Variants in NHSL2 observed in about 807,000 individuals in gnomAD.
NHSL2 encodes the protein NHS-like protein 2.
A neutral mutation model predicts 53.4 loss-of-function variants in NHSL2; 27 were observed. The ratio of observed to expected loss-of-function variants is 0.51; its 90% CI spans 0.37 to 0.70. The LOEUF is 0.70. Ranked by LOEUF, NHSL2 falls within the 30% of genes least tolerant of loss-of-function variation. The probability of loss-of-function intolerance (pLI) is 0.00; values close to 1 mark genes in which losing one functional copy is unlikely to be tolerated. For missense variants in NHSL2, 892 were observed against 980.1 expected (o/e 0.91, Z 1.20); for synonymous variants, 408 against 404.1 (o/e 1.01, Z -0.12).
intron 1 of NHSL2, among the ~76,000 whole-genome samples, chrX:72,063,047 G>T (rs1162686641): frequency 1.1e-4 from 12 of 112,137 alleles, no homozygotes; most frequent in Non-Finnish European, 1.9e-4. Context: ...TTTCCCTTGT[G>T]TCTGCGTCTC....
At position 72,147,713 on chromosome X, in the gene NHSL2, C is replaced by G. The variant is rs1820489004; in HGVS notation, c.*4139C>G. On this transcript the variant is annotated 3_prime_UTR_variant, in exon 8 of 8. Transcript: ENST00000633930. ...CTCCCTCTCCTCTTTCTGCTCCATT[C>G]TCCTAAACCTTGCTTCCCAGCACCA... The G allele has an allele frequency of 1.8e-5, 2 of 111,892 alleles. No individual in the cohort carries two copies. The highest frequency in any genetic ancestry group is 7.4e-4 in the South Asian group (2 of 2,703). 9.2% of individuals were successfully genotyped at this position (111,892 alleles called of 1,213,427 possible).
chrX:71,917,503 C>G (rs1333892058), intron 1 of NHSL2, among the ~76,000 whole-genome samples: 2 of 109,777 alleles, frequency 1.8e-5, no homozygotes, highest in African/African-American at 6.6e-5. Flanking sequence ...TCTTTGAGTA[C>G]TTGACTCTGG....
chrX:72,026,735 A>G (rs1202700876), intron 1 of NHSL2, among the ~76,000 whole-genome samples: 1 of 112,548 alleles, frequency 8.9e-6, no homozygotes, highest in Admixed American at 9.3e-5. Context: ...TGTAAGAAAC[A>G]CGAGAGACAG....
At chrX:71,963,958 T>TATATATATATAC (rs1569466982) in intron 1 of NHSL2, among the ~76,000 whole-genome samples, 1 of 6,434 alleles carries the variant, frequency 1.6e-4, no homozygotes, top group African/African-American at 4.8e-4. Flanking sequence ...GCTATATATA[T>TATATATATATAC]ACACATATAT....
At chrX:72,071,754 C>A (rs1348087264) in intron 1 of NHSL2, among the ~76,000 whole-genome samples, 1 of 112,227 alleles carries the variant, frequency 8.9e-6, no homozygotes, top group Non-Finnish European at 1.9e-5. Flanking sequence ...ACCCCACTGT[C>A]TTTCCAGTAA....
intron 1 of NHSL2, among the ~76,000 whole-genome samples, chrX:72,060,205 G>A (rs928373774): frequency 8.9e-6 from 1 of 112,147 alleles, no homozygotes. Context: ...TGCGAATTGA[G>A]GATAGTAATA....
intron 1 of NHSL2, among the ~76,000 whole-genome samples, chrX:71,924,484 T>G (rs1228352252): frequency 9.0e-6 from 1 of 111,649 alleles, no homozygotes. Flanking sequence ...TACCACCTCT[T>G]GAAAAGTAAT....
intron 1 of NHSL2, among the ~76,000 whole-genome samples, chrX:72,096,241 G>C (rs1267446926): frequency 9.0e-6 from 1 of 111,616 alleles, no homozygotes; most frequent in Non-Finnish European, 1.9e-5. Context: ...GTAAGAAATG[G>C]CCAGATTCTG....
At chrX:71,982,223 C>T (rs1464792302) in intron 1 of NHSL2, among the ~76,000 whole-genome samples, 1 of 112,124 alleles carries the variant, frequency 8.9e-6, no homozygotes, top group African/African-American at 3.2e-5. Context: ...AAGCCAGACA[C>T]AAAGCCCATA....
At position 72,049,009 on chromosome X, in the gene NHSL2, A is replaced by AGAAGAGGAAGAGGAAGAGGAAGAG. The variant is rs879168606; in HGVS notation, c.281-83058_281-83035dup. ...GAGGAGAAGAAGAAGAAGAAGAAGA[A>AGAAGAGGAAGAGGAAGAGGAAGAG]GAAGAGGAAGAGGAAGAGGAAGAGG... On this transcript the variant is annotated intron_variant, in intron 1 of 7. Transcript: ENST00000633930. Among the ~76,000 whole-genome samples the AGAAGAGGAAGAGGAAGAGGAAGAG allele has an allele frequency of 1.1e-3, 93 of 86,162 alleles. 1 individual carries two copies. Among genetic ancestry groups the AGAAGAGGAAGAGGAAGAGGAAGAG allele is most frequent in the Non-Finnish European group, 1.7e-3 (78 of 45,912 alleles). 74.8% of individuals were successfully genotyped at this position (86,162 alleles called of 115,157 possible).
chrX:71,978,278 CCT>C (rs1391911360), intron 1 of NHSL2, among the ~76,000 whole-genome samples: 1 of 111,797 alleles, frequency 8.9e-6, no homozygotes, highest in African/African-American at 3.3e-5. Flanking sequence ...ATTCTCAGCC[CCT>C]GATTAGAGCA....
At position 72,149,338 on chromosome X, in the gene NHSL2, T is replaced by C. The variant is rs1316476429; in HGVS notation, c.*5764T>C. The C allele has an allele frequency of 8.9e-6, 1 of 111,915 alleles. No homozygotes were observed. The highest frequency in any genetic ancestry group is 1.9e-5 in the Non-Finnish European group (1 of 53,190). The allele number at this position is 111,915 out of a possible 1,213,427, so 9.2% of individuals were successfully genotyped here. ...CTCCAGTAAGGCTCTGGCAGAAGTA[T>C]ATTTGATTTTAAGATTTTTGCCTAA... On this transcript the variant is annotated 3_prime_UTR_variant, in exon 8 of 8. Transcript: ENST00000633930.
chrX:71,977,421 C>T (rs998817648), intron 1 of NHSL2, among the ~76,000 whole-genome samples: 1 of 45,502 alleles, frequency 2.2e-5, no homozygotes, highest in Non-Finnish European at 6.7e-5. Context: ...CAGTCTCTCT[C>T]TCTCTTTTTT....
intron 1 of NHSL2, among the ~76,000 whole-genome samples, chrX:72,052,164 A>C (rs1485561184): frequency 8.9e-6 from 1 of 112,172 alleles, no homozygotes; most frequent in African/African-American, 3.2e-5. Flanking sequence ...CTAGGTGCTG[A>C]GTGGTGGCTG....
At chrX:72,106,645 A>G (rs1418713831) in intron 1 of NHSL2, among the ~76,000 whole-genome samples, 5 of 111,704 alleles carry the variant, frequency 4.5e-5, no homozygotes, top group African/African-American at 1.6e-4. Flanking sequence ...AAATCATGCT[A>G]CTATAAAGAC....
intron 1 of NHSL2, among the ~76,000 whole-genome samples, chrX:71,923,545 C>G (rs1490576320): frequency 8.9e-6 from 1 of 112,051 alleles, no homozygotes; most frequent in Non-Finnish European, 1.9e-5. Flanking sequence ...CCACCAGGCA[C>G]CAGGTATACA....
chrX:72,109,935 C>A (rs931178602), intron 1 of NHSL2, among the ~76,000 whole-genome samples: 1 of 112,060 alleles, frequency 8.9e-6, no homozygotes, highest in Non-Finnish European at 1.9e-5. Flanking sequence ...TTATTAAAAA[C>A]TCCACAGAGT....
intron 1 of NHSL2, among the ~76,000 whole-genome samples, chrX:72,059,877 C>A (rs2042390061): frequency 8.9e-6 from 1 of 112,290 alleles, no homozygotes; most frequent in Non-Finnish European, 1.9e-5. Flanking sequence ...CATTCTCTAG[C>A]AACCCCAAAC....
intron 1 of NHSL2, among the ~76,000 whole-genome samples, chrX:72,109,838 C>T (rs2042076865): frequency 9.0e-6 from 1 of 111,594 alleles, no homozygotes; most frequent in Non-Finnish European, 1.9e-5. Context: ...CTAACTTAAA[C>T]TTCCCCAGAA....
Sources: allele counts gnomAD v4.1 joint callset (sites outside exome capture counted in the v4.1 genomes callset), GRCh38; gene constraint gnomAD v4.1.1; transcripts MANE v1.5; gene names NCBI Gene and HGNC (gene_info 2026-07-23, HGNC 2026-07-21).